Variants in ATP10A observed in about 807,000 individuals in gnomAD.
ATP10A encodes ATPase phospholipid transporting 10A (putative), also known as phospholipid-transporting ATPase VA.
Under a neutral mutation model 147.8 loss-of-function variants are expected in ATP10A, and 111 were observed. The observed-to-expected ratio is 0.75, with a 90% confidence interval of 0.64 to 0.88. ATP10A has a LOEUF of 0.88. Among genes scored for constraint, ATP10A ranks in the 40% least tolerant of loss-of-function variants. ATP10A has a pLI of 0.00. For missense variants in ATP10A, 1,927 were observed against 1,959.0 expected, an observed-to-expected ratio of 0.98 and a Z score of 0.31; for synonymous variants, 875 against 841.6, an observed-to-expected ratio of 1.04 and a Z score of -0.69.
chr15:25,864,106 G>A (rs998067181), upstream of ATP10A, among the ~76,000 whole-genome samples: 41 of 152,056 alleles, frequency 2.7e-4, no homozygotes, highest in African/African-American at 6.8e-4. Context: ...CCCGGACGGC[G>A]GGGGAGGCGA....
At chr15:25,701,274 G>C (rs1359297967) in intron 13 of ATP10A, among the ~76,000 whole-genome samples, 1 of 152,214 alleles carries the variant, frequency 6.6e-6, no homozygotes, top group African/African-American at 2.4e-5. Context: ...AAAGTCCCAA[G>C]GTCCTGATAG....
At chr15:25,729,760 G>T (rs1279465377) in intron 3 of ATP10A, among the ~76,000 whole-genome samples, 2 of 152,150 alleles carry the variant, frequency 1.3e-5, no homozygotes, top group Non-Finnish European at 2.9e-5. Context: ...GCCGCCTTCA[G>T]GGCAGTCCTC....
At chr15:25,836,245 G>T (rs1229606646) in intron 1 of ATP10A, among the ~76,000 whole-genome samples, 3 of 152,118 alleles carry the variant, frequency 2.0e-5, no homozygotes, top group East Asian at 1.9e-4. Flanking sequence ...CCCCAGCCTG[G>T]GAGTATTCTA....
intron 1 of ATP10A, among the ~76,000 whole-genome samples, chr15:25,852,713 G>T (rs934757479): frequency 6.6e-6 from 1 of 152,144 alleles, no homozygotes; most frequent in African/African-American, 2.4e-5. Context: ...TGTTATGCAG[G>T]CCTCAAAGAC....
chr15:25,858,584 T>C (rs1316747717), intron 1 of ATP10A, among the ~76,000 whole-genome samples: 1 of 151,868 alleles, frequency 6.6e-6, no homozygotes, highest in African/African-American at 2.4e-5. Flanking sequence ...GGGACACGGG[T>C]TGGAGAAATA....
chr15:25,756,264 T>C (rs1328871081), intron 2 of ATP10A, among the ~76,000 whole-genome samples: 3 of 152,164 alleles, frequency 2.0e-5, no homozygotes. Context: ...TTTGTGTGTC[T>C]GTTTGTCTAT....
chr15:25,839,170 T>C (rs762222087), intron 1 of ATP10A, among the ~76,000 whole-genome samples: 1 of 152,194 alleles, frequency 6.6e-6, no homozygotes, highest in Non-Finnish European at 1.5e-5. Flanking sequence ...GGTGAAGGGC[T>C]GTGATATTCC....
chr15:25,859,256 T>C (rs1893649420), intron 1 of ATP10A, among the ~76,000 whole-genome samples: 1 of 152,202 alleles, frequency 6.6e-6, no homozygotes, highest in South Asian at 2.1e-4. Context: ...CCCCGAGGGA[T>C]GCCCACCCTG....
chr15:25,690,577 C>G (rs1290752835), intron 15 of ATP10A, among the ~76,000 whole-genome samples: 2 of 152,178 alleles, frequency 1.3e-5, no homozygotes. Flanking sequence ...CTATGTGGTT[C>G]ATCTGCAAGT....
rs548146214 is a variant in ATP10A at position 25,693,019 on chromosome 15, G to GT, written c.3089-1229dup. The stretch of plus-strand genomic sequence containing the variant: ...TTTCGCCCACCATGTTGCCCCAGCA[G>GT]TTTTTTTTTTCTTTTTTTGAGACAG... On this transcript the variant is annotated intron_variant, in intron 14 of 20. Transcript: ENST00000555815. 4.5e-3 allele frequency among the ~76,000 whole-genome samples: 673 copies of GT among 148,040 alleles called. 3 individuals are homozygous for GT. The highest frequency in any genetic ancestry group is 1.0e-2 in the South Asian group (46 of 4,622).
At chr15:25,708,575 C>A in intron 10 of ATP10A, 1 of 396,376 alleles carries the variant, frequency 2.5e-6, no homozygotes, top group Non-Finnish European at 4.6e-6. Context: ...CCCGCCTCGG[C>A]CTCCGAAAGT....
intron 1 of ATP10A, among the ~76,000 whole-genome samples, chr15:25,782,592 A>G (rs1488585498): frequency 1.3e-5 from 2 of 152,310 alleles, no homozygotes; most frequent in African/African-American, 2.4e-5. Flanking sequence ...CTTACCTCCC[A>G]GGGACACATT....
At chr15:25,714,356 C>T (rs1901647005) in intron 9 of ATP10A, 115 bp from the exon 10 acceptor site, 3 of 908,026 alleles carry the variant, frequency 3.3e-6, no homozygotes, top group Non-Finnish European at 5.0e-6. Flanking sequence ...CTCGCTTCCC[C>T]ACTGGGGTCT....
intron 1 of ATP10A, among the ~76,000 whole-genome samples, chr15:25,797,946 G>T (rs1890759014): frequency 6.6e-6 from 1 of 152,208 alleles, no homozygotes; most frequent in South Asian, 2.1e-4. Flanking sequence ...AGCACAATAA[G>T]AAGTTGTCCA....
In ATP10A at chr15:25,861,163, G is replaced by GT. The variant is rs1555482874; in HGVS notation, c.449+1484_449+1485insA. On this transcript the variant is annotated intron_variant, in intron 1 of 20. Transcript: ENST00000555815. ...TGGGAGCAGGCAGAGTGGTGTTTCTGAAAGTGTGGGCCATCATATAAGAGT... is the reference window on the plus strand; with the variant it reads ...TGGGAGCAGGCAGAGTGGTGTTTCTGTAAAGTGTGGGCCATCATATAAGAGT... Among the ~76,000 whole-genome samples, 49 of 152,084 alleles carry GT rather than the reference G, an allele frequency of 3.2e-4. 1 individual carries two copies. In the Middle Eastern group the frequency reaches 0.01, roughly 32 times the overall value.
chr15:25,676,530 C>T (rs1190443395), downstream of ATP10A, among the ~76,000 whole-genome samples: 2 of 152,188 alleles, frequency 1.3e-5, no homozygotes, highest in Non-Finnish European at 2.9e-5. Context: ...TCTATCTATT[C>T]TATAAATGAC....
chr15:25,707,966 AGT>A lies in ATP10A; in HGVS notation c.2575+8_2575+9del. 4 of 1,613,470 alleles carry A rather than the reference AGT, an allele frequency of 2.5e-6. No homozygotes were observed. Among genetic ancestry groups the A allele is most frequent in the Non-Finnish European group, 3.4e-6 (4 of 1,179,480 alleles). On this transcript the variant is annotated splice_region_variant and intron_variant, in intron 12 of 20. Coordinates refer to ENST00000555815, the MANE Select transcript of ATP10A (RefSeq NM_024490.4). The stretch of plus-strand genomic sequence containing the variant: ...ACTGCCCTTAGGCATGCGACTCTCA[AGT>A]TAATTACCTAACAAGTGCAGGTTGG...
intron 2 of ATP10A, among the ~76,000 whole-genome samples, chr15:25,778,396 C>G (rs1889731562): frequency 6.6e-6 from 1 of 151,748 alleles, no homozygotes; most frequent in Admixed American, 6.6e-5. Context: ...AAGAGACTTG[C>G]TTCCTTTACT....
intron 1 of ATP10A, among the ~76,000 whole-genome samples, chr15:25,818,336 T>C (rs1011124396): frequency 3.9e-5 from 6 of 152,204 alleles, no homozygotes; most frequent in Middle Eastern, 6.8e-3. Flanking sequence ...AAGTTTTTAA[T>C]ACGAAAAATA....
Sources: gnomAD v4.1 joint callset for allele counts (sites outside exome capture counted in the v4.1 genomes callset) on GRCh38, gnomAD v4.1.1 for gene constraint, MANE v1.5 for transcripts, NCBI Gene and HGNC (gene_info 2026-07-23, HGNC 2026-07-21) for gene names.